Variants in HSPA9 observed in about 807,000 individuals in gnomAD.
HSPA9 encodes heat shock protein family A (Hsp70) member 9.
Under a neutral mutation model 81.5 loss-of-function variants are expected in HSPA9, and 28 were observed. That is an observed-to-expected ratio of 0.34 (90% CI 0.25 to 0.47). The LOEUF is 0.47. Ranked by LOEUF, HSPA9 falls within the 20% of genes least tolerant of loss-of-function variation. The pLI, the probability that HSPA9 is intolerant of heterozygous loss-of-function variation, is 1.00. For missense variants in HSPA9, 678 were observed against 838.0 expected (o/e 0.81, Z 2.36); for synonymous variants, 293 against 290.4 (o/e 1.01, Z -0.09).
chr5:138,561,844 T>C, intron 9 of HSPA9, 55 bp from the exon 10 acceptor site: 1 of 1,364,352 alleles, frequency 7.3e-7, no homozygotes. Flanking sequence ...GACGGTTACA[T>C]TTATTATTTC....
chr5:138,570,380 G>A (rs1214297536), intron 4 of HSPA9, among the ~76,000 whole-genome samples: 1 of 152,146 alleles, frequency 6.6e-6, no homozygotes, highest in African/African-American at 2.4e-5. Context: ...TAGAACCTAT[G>A]CCATTTCTGC....
At chr5:138,558,411 G>C (rs573052366) in intron 12 of HSPA9, 142 bp downstream of exon 12, 5 of 707,464 alleles carry the variant, frequency 7.1e-6, no homozygotes, top group South Asian at 6.0e-5. Flanking sequence ...GATGCCATGG[G>C]TATCTAGTTG....
chr5:138,562,102 C>A (rs886908843), intron 9 of HSPA9, among the ~76,000 whole-genome samples: 1 of 151,638 alleles, frequency 6.6e-6, no homozygotes, highest in African/African-American at 2.4e-5. Flanking sequence ...CCATGCCCAG[C>A]TAATTTTTGT....
At chr5:138,571,535 A>C (rs963905119) in intron 3 of HSPA9, among the ~76,000 whole-genome samples, 1 of 152,114 alleles carries the variant, frequency 6.6e-6, no homozygotes, top group African/African-American at 2.4e-5. Context: ...CAGCTCCCAA[A>C]TTGCGAAACA....
chr5:138,555,372 T>C lies in HSPA9; in HGVS notation c.*665A>G, dbSNP rs934426948. The C allele has an allele frequency of 2.6e-5, 4 of 151,836 alleles. No homozygotes were observed. The highest frequency in any genetic ancestry group is 2.6e-4 in the Admixed American group (4 of 15,234). 9.4% of individuals were successfully genotyped at this position (151,836 alleles called of 1,614,324 possible). A position where few individuals can be genotyped will look rare whatever the true frequency, so the allele number is the denominator to read the frequency against. ...CTGTATTTATTTAAAAAAAAAAAAA[T>C]TCCAGAATGGGTAAGAGAACAATCA... On this transcript the variant is annotated 3_prime_UTR_variant, in exon 17 of 17. Transcript: ENST00000297185.
At chr5:138,568,787 C>T (rs1661616737) in intron 5 of HSPA9, 138 bp downstream of exon 5, 1 of 839,476 alleles carries the variant, frequency 1.2e-6, no homozygotes, top group Admixed American at 1.8e-5. Context: ...TGAAGTATAA[C>T]ACAGTTTTGC....
At position 138,574,144 on chromosome 5, in the gene HSPA9, G is replaced by C. The variant is rs1329267447; in HGVS notation, c.82-18C>G. 6.2e-7 allele frequency: 1 copy of C among 1,603,982 alleles called. No homozygotes were observed. Among genetic ancestry groups the C allele is most frequent in the East Asian group, 2.2e-5 (1 of 44,812 alleles). On this transcript the variant is annotated intron_variant, in intron 1 of 16. Coordinates refer to ENST00000297185, the MANE Select transcript of HSPA9 (RefSeq NM_004134.7). The stretch of plus-strand genomic sequence containing the variant: ...CAGCTATCCTAAAAAAGAAAAAACT[G>C]ACTCAGTCACCAACCAGTGTGTATC...
In HSPA9 at chr5:138,558,609, A is replaced by T. The variant is rs1315846704; in HGVS notation, c.1459T>A (p.Cys487Ser). Reference protein sequence around the residue: ...DGQTQVEIKVCQGEREMAGDN... With the variant: ...DGQTQVEIKVSQGEREMAGDN... ...CCAGCCATCTCTCTTTCACCCTGAC[A>T]CACTTTAATTTCCACTTGCGTTTGA... is the stretch of plus-strand genomic sequence containing the variant. Residue 487 changes from cysteine (C) to serine (S), a missense_variant, in exon 12 of 17, where the codon TGT (cysteine) becomes AGT (serine). Coordinates refer to ENST00000297185, the MANE Select transcript of HSPA9 (RefSeq NM_004134.7). 2 of 1,613,962 alleles carry T rather than the reference A, an allele frequency of 1.2e-6. No individual in the cohort carries two copies. Among genetic ancestry groups the T allele is most frequent in the African/African-American group, 2.7e-5 (2 of 75,028 alleles).
intron 3 of HSPA9, among the ~76,000 whole-genome samples, chr5:138,572,724 G>A (rs1443001758): frequency 1.3e-5 from 2 of 151,726 alleles, no homozygotes; most frequent in Non-Finnish European, 2.9e-5. Context: ...CACTTGTTTG[G>A]CACCAAGAGA....
At chr5:138,568,174 G>GACTCTTGTCTCAAAACAC (rs1750805038) in intron 5 of HSPA9, among the ~76,000 whole-genome samples, 1 of 144,342 alleles carries the variant, frequency 6.9e-6, no homozygotes, top group African/African-American at 2.6e-5. Context: ...GACAGAGCGA[G>GACTCTTGTCTCAAAACAC]ACTCTTGTCT....
intron 8 of HSPA9, 47 bp from the exon 9 acceptor site, chr5:138,566,765 G>T: frequency 7.0e-7 from 1 of 1,434,622 alleles, no homozygotes; most frequent in Non-Finnish European, 9.8e-7. Flanking sequence ...TTAGTGAGGT[G>T]ATAAATAAAC....
At chr5:138,564,433 T>G (rs1750720658) in intron 9 of HSPA9, among the ~76,000 whole-genome samples, 1 of 152,162 alleles carries the variant, frequency 6.6e-6, no homozygotes, top group Non-Finnish European at 1.5e-5. Flanking sequence ...AGAGACCTGC[T>G]CTGTCACCCA....
chr5:138,559,469 A>C (rs1212516071), intron 11 of HSPA9, among the ~76,000 whole-genome samples: 1 of 152,056 alleles, frequency 6.6e-6, no homozygotes, highest in African/African-American at 2.4e-5. Flanking sequence ...CGGCACCCTC[A>C]TACCACCCCC....
intron 1 of HSPA9, 137 bp downstream of exon 1, chr5:138,575,101 G>A (rs1203571923): frequency 7.6e-6 from 5 of 656,414 alleles, no homozygotes; most frequent in Non-Finnish European, 1.3e-5. Flanking sequence ...GCTAACTATG[G>A]AAGGCCCGTT....
chr5:138,563,429 T>C (rs1482538061), intron 9 of HSPA9, among the ~76,000 whole-genome samples: 5 of 152,204 alleles, frequency 3.3e-5, no homozygotes, highest in Non-Finnish European at 7.3e-5. Flanking sequence ...GTCCAACATC[T>C]ATCACAATGT....
chr5:138,569,896 G>GTTTT (rs11368588), intron 4 of HSPA9, among the ~76,000 whole-genome samples: 1 of 144,958 alleles, frequency 6.9e-6, no homozygotes. Flanking sequence ...TATGCTTCTA[G>GTTTT]TTTTTTTTTT....
intron 12 of HSPA9, among the ~76,000 whole-genome samples, chr5:138,558,250 T>C (rs1339130158): frequency 6.6e-6 from 1 of 152,140 alleles, no homozygotes; most frequent in African/African-American, 2.4e-5. Flanking sequence ...AGATAGCAAA[T>C]CTCCTATTAT....
rs1391913729 is a variant in HSPA9, at chr5:138,566,997, T to G, written c.879+4A>C. The G allele has an allele frequency of 6.2e-7, 1 of 1,612,336 alleles. No homozygotes were observed. The highest frequency in any genetic ancestry group is 8.5e-7 in the Non-Finnish European group (1 of 1,179,704). On this transcript the variant is annotated splice_donor_region_variant and intron_variant, in intron 8 of 16. Coordinates refer to ENST00000297185, the MANE Select transcript of HSPA9 (RefSeq NM_004134.7). ...TCTACATATTAACCACATTGGTAAC[T>G]CACCTCTCTCTTGAACTCCTTCACA... is the stretch of plus-strand genomic sequence containing the variant.
At chr5:138,574,482 C>T (rs1205227646) in intron 1 of HSPA9, among the ~76,000 whole-genome samples, 1 of 152,164 alleles carries the variant, frequency 6.6e-6, no homozygotes, top group African/African-American at 2.4e-5. Context: ...CAGATGTCCC[C>T]TGGGGGAAAA....
Sources: gnomAD v4.1 joint callset for allele counts (sites outside exome capture counted in the v4.1 genomes callset) on GRCh38, gnomAD v4.1.1 for gene constraint, MANE v1.5 for transcripts, NCBI Gene and HGNC (gene_info 2026-07-23, HGNC 2026-07-21) for gene names.